Variants in TCERG1L observed in about 807,000 individuals in gnomAD.
TCERG1L encodes transcription elongation regulator 1 like, also known as transcription elongation regulator 1-like protein.
Under a neutral mutation model 56.3 loss-of-function variants are expected in TCERG1L, and 37 were observed. That is an observed-to-expected ratio of 0.66 (90% CI 0.51 to 0.87). TCERG1L has a LOEUF of 0.87. TCERG1L is among the 40% of genes least tolerant of loss of function. TCERG1L has a pLI of 0.00. For synonymous variants in TCERG1L, 324 were observed against 326.3 expected (o/e 0.99, Z 0.08); for missense variants, 799 against 774.2 (o/e 1.03, Z -0.38).
intron 6 of TCERG1L, among the ~76,000 whole-genome samples, chr10:131,154,269 T>C (rs1217416593): frequency 1.3e-5 from 2 of 152,104 alleles, no homozygotes; most frequent in Non-Finnish European, 2.9e-5. Flanking sequence ...ACACTGGGGT[T>C]GTTGCTTTGT....
intron 8 of TCERG1L, among the ~76,000 whole-genome samples, chr10:131,119,406 T>C (rs148788011): frequency 0.012 from 1,867 of 152,328 alleles, 42 homozygotes; most frequent in Admixed American, 0.061. Flanking sequence ...TTACATGGAA[T>C]TTTGAGAAAA....
Position 131,104,368 on chromosome 10 carries a change from T to G in TCERG1L, c.1396-14A>C. The G allele has an allele frequency of 6.6e-7, 1 of 1,508,042 alleles. No homozygotes were observed. Among genetic ancestry groups the G allele is most frequent in the Non-Finnish European group, 9.0e-7 (1 of 1,107,740 alleles). 93.4% of individuals were successfully genotyped at this position (1,508,042 alleles called of 1,614,324 possible). ...AAATGCTGATACCTAAAGAAAGATA[T>G]TCAATAGAGTTGCTGTTAGCGTCTA... is the stretch of plus-strand genomic sequence containing the variant. On this transcript the variant is annotated splice_polypyrimidine_tract_variant and intron_variant, in intron 9 of 11. Coordinates refer to ENST00000368642, the MANE Select transcript of TCERG1L (RefSeq NM_174937.4).
intron 3 of TCERG1L, among the ~76,000 whole-genome samples, chr10:131,304,600 G>C (rs1479293960): frequency 6.6e-6 from 1 of 151,978 alleles, no homozygotes; most frequent in African/African-American, 2.4e-5. Flanking sequence ...CTGAGGTCTG[G>C]GAATCAATGG....
chr10:131,207,718 G>A (rs1845556958), intron 4 of TCERG1L, among the ~76,000 whole-genome samples: 1 of 152,164 alleles, frequency 6.6e-6, no homozygotes, highest in Non-Finnish European at 1.5e-5. Context: ...GAGGGGTGTG[G>A]GGCTGAGGTC....
chr10:131,258,199 G>A, intron 4 of TCERG1L, among the ~76,000 whole-genome samples: 1 of 152,298 alleles, frequency 6.6e-6, no homozygotes, highest in South Asian at 2.1e-4. Flanking sequence ...CGCTGAGACT[G>A]CCCATCAGCA....
chr10:131,228,861 T>G (rs554381297), intron 4 of TCERG1L, among the ~76,000 whole-genome samples: 30 of 111,544 alleles, frequency 2.7e-4, no homozygotes, highest in East Asian at 2.8e-4. Context: ...GTCTCCGGAG[T>G]CTCCCCTCCA....
At chr10:131,310,293 C>T (rs982277906) in intron 1 of TCERG1L, among the ~76,000 whole-genome samples, 5 of 152,140 alleles carry the variant, frequency 3.3e-5, no homozygotes, top group Non-Finnish European at 7.4e-5. Context: ...AAACTACCAA[C>T]GTTTCTTGAA....
intron 3 of TCERG1L, among the ~76,000 whole-genome samples, chr10:131,265,687 T>A (rs1846277357): frequency 6.6e-6 from 1 of 152,252 alleles, no homozygotes. Flanking sequence ...CTGTTAAATG[T>A]GCAATAGTAT....
chr10:131,125,879 T>C (rs1845560343), intron 8 of TCERG1L, among the ~76,000 whole-genome samples: 1 of 152,192 alleles, frequency 6.6e-6, no homozygotes, highest in Admixed American at 6.5e-5. Flanking sequence ...TCCTCTGCTC[T>C]TACACAGAGA....
chr10:131,197,330 C>A (rs889694586), intron 4 of TCERG1L, among the ~76,000 whole-genome samples: 4 of 151,906 alleles, frequency 2.6e-5, no homozygotes, highest in Non-Finnish European at 5.9e-5. Flanking sequence ...TACAGGCGCC[C>A]GCCACCATGC....
Position 131,093,206 on chromosome 10 carries a change from T to C in TCERG1L, c.1717A>G (p.Lys573Glu). The change falls in exon 12 of 12, where the codon AAA (lysine) becomes GAA (glutamate). Residue 573 changes from lysine (K) to glutamate (E), a missense_variant. Transcript: ENST00000368642. ...FFNQFILILK[K>E]RDKENRLRLR... The stretch of plus-strand genomic sequence containing the variant: ...CTTAGTCTGTTTTCCTTGTCCCGTT[T>C]CTTAAGAATAAGTATGAATTGGTTG... 6.2e-7 allele frequency: 1 copy of C among 1,613,980 alleles called. No individual in the cohort carries two copies. The highest frequency in any genetic ancestry group is 2.2e-5 in the East Asian group (1 of 44,880).
At chr10:131,127,016 T>G (rs1012786905) in intron 8 of TCERG1L, among the ~76,000 whole-genome samples, 1 of 152,162 alleles carries the variant, frequency 6.6e-6, no homozygotes, top group Non-Finnish European at 1.5e-5. Context: ...TTCTTGTCTC[T>G]ACTTGCTGCC....
At chr10:131,254,199 G>A (rs1353657072) in intron 4 of TCERG1L, among the ~76,000 whole-genome samples, 1 of 151,936 alleles carries the variant, frequency 6.6e-6, no homozygotes, top group Non-Finnish European at 1.5e-5. Flanking sequence ...ATGGAGGGCT[G>A]CTCAGGAAGT....
chr10:131,137,044 G>A (rs1466197266), intron 7 of TCERG1L, among the ~76,000 whole-genome samples: 1 of 151,956 alleles, frequency 6.6e-6, no homozygotes, highest in Non-Finnish European at 1.5e-5. Context: ...GGAGGCTGAG[G>A]CAGGAGAATC....
Position 131,311,586 on chromosome 10 carries a change from T to C in TCERG1L, c.50A>G (p.Gln17Arg). The change falls in exon 1 of 12, where the codon CAG becomes CGG. Residue 17 changes from glutamine (Q) to arginine (R), a missense_variant. Transcript: ENST00000368642. The surrounding 1 kb of genome is among the most constrained non-coding windows in gnomAD (Gnocchi z 4.0). ...FQRRRRQLQQ[Q>R]QPRRRQPLLW... is the part of the protein sequence containing the mutation. ...GAGAGGCTGCCGCCGCCGGGGCTGC[T>C]GCTGCTGCAGCTGCCGCCGCCGCCG... is the stretch of plus-strand genomic sequence containing the variant. The C allele has an allele frequency of 8.7e-7, 1 of 1,148,252 alleles. No homozygotes were observed. Among genetic ancestry groups the C allele is most frequent in the African/African-American group, 1.7e-5 (1 of 60,378 alleles). 71.1% of individuals were successfully genotyped at this position (1,148,252 alleles called of 1,614,324 possible).
intron 3 of TCERG1L, among the ~76,000 whole-genome samples, chr10:131,284,579 A>G (rs1846498671): frequency 6.6e-6 from 1 of 152,160 alleles, no homozygotes; most frequent in Admixed American, 6.5e-5. Flanking sequence ...AAATGTACCC[A>G]AAATGTTTTT....
chr10:131,129,067 C>T (rs1201921201), intron 8 of TCERG1L, among the ~76,000 whole-genome samples: 3 of 152,106 alleles, frequency 2.0e-5, no homozygotes, highest in African/African-American at 7.2e-5. Flanking sequence ...AAATCTCTTG[C>T]TTCTTCAAAA....
chr10:131,167,611 AGCT>A (rs938409608), intron 4 of TCERG1L, among the ~76,000 whole-genome samples: 2 of 152,226 alleles, frequency 1.3e-5, no homozygotes, highest in Non-Finnish European at 2.9e-5. Flanking sequence ...AGGTTCTGCC[AGCT>A]GGTGGCCATG....
At chr10:131,153,095 C>T (rs1564802787) in intron 6 of TCERG1L, among the ~76,000 whole-genome samples, 1 of 152,114 alleles carries the variant, frequency 6.6e-6, no homozygotes, top group Non-Finnish European at 1.5e-5. Flanking sequence ...GGGTCCTGGG[C>T]AGGCATCAGT....
Sources: gnomAD v4.1 joint callset for allele counts (sites outside exome capture counted in the v4.1 genomes callset) on GRCh38, gnomAD v4.1.1 for gene constraint, Gnocchi (gnomAD v3.1) non-coding constraint, MANE v1.5 for transcripts, NCBI Gene and HGNC (gene_info 2026-07-23, HGNC 2026-07-21) for gene names.